Variants in XRCC5 observed in about 807,000 individuals in gnomAD.
XRCC5 encodes the protein DNA repair protein Ku80.
In XRCC5, 12 loss-of-function variants were observed where a neutral mutation model predicts 95.7. The ratio of observed to expected loss-of-function variants is 0.13; its 90% CI spans 0.08 to 0.20. The LOEUF is 0.20. XRCC5 is among the 10% of genes least tolerant of loss of function. The probability of loss-of-function intolerance (pLI) is 1.00; values close to 1 mark genes in which losing one functional copy is unlikely to be tolerated. For synonymous variants in XRCC5, 281 were observed against 290.3 expected, an observed-to-expected ratio of 0.97 and a Z score of 0.33; for missense variants, 595 against 873.9, an observed-to-expected ratio of 0.68 and a Z score of 4.02.
At chr2:216,170,184 T>G (rs1293052805) in intron 16 of XRCC5, among the ~76,000 whole-genome samples, 1 of 152,088 alleles carries the variant, frequency 6.6e-6, no homozygotes. Context: ...ATTTCTAGTT[T>G]ACATTTCTCA....
chr2:216,146,960 A>T (rs1688648559), intron 13 of XRCC5, among the ~76,000 whole-genome samples: 1 of 152,204 alleles, frequency 6.6e-6, no homozygotes, highest in African/African-American at 2.4e-5. Context: ...AGAAGAGAAG[A>T]GCCCTACTTG....
chr2:216,160,542 C>A (rs2106026869), intron 15 of XRCC5, among the ~76,000 whole-genome samples: 1 of 152,154 alleles, frequency 6.6e-6, no homozygotes, highest in Admixed American at 6.5e-5. Context: ...TATAACTTTC[C>A]TATTTTCTAA....
At chr2:216,189,236 G>A (rs941329593) in intron 16 of XRCC5, among the ~76,000 whole-genome samples, 78 of 152,242 alleles carry the variant, frequency 5.1e-4, no homozygotes, top group African/African-American at 1.9e-3. Flanking sequence ...CTCACAGGAG[G>A]CTGTGATTTG....
chr2:216,180,812 C>CTTT (rs112178335), intron 16 of XRCC5, among the ~76,000 whole-genome samples: 1 of 140,718 alleles, frequency 7.1e-6, no homozygotes, highest in Non-Finnish European at 1.6e-5. Context: ...CCTTGAGTAT[C>CTTT]TTTTTTTTTT....
intron 13 of XRCC5, among the ~76,000 whole-genome samples, chr2:216,145,230 C>T (rs1688603666): frequency 6.6e-6 from 1 of 152,004 alleles, no homozygotes; most frequent in African/African-American, 2.4e-5. Context: ...TCCAGGAAGG[C>T]CACTTTTTTC....
intron 16 of XRCC5, among the ~76,000 whole-genome samples, chr2:216,163,049 G>A (rs1356040492): frequency 6.6e-6 from 1 of 152,110 alleles, no homozygotes; most frequent in Admixed American, 6.6e-5. Flanking sequence ...GCCTGTCTGC[G>A]AGCTGACTTC....
Position 216,117,752 on chromosome 2 carries a change from A to T in XRCC5, c.326A>T (p.Asp109Val). ...QPGSQQADFL[D>V]ALIVSMDVIQ... ...CTATCCTTAACTAGCTGAGTCCTGG[A>T]TGCACTAATCGTGAGCATGGATGTG... The change falls in exon 4 of 21, where the codon GAT becomes GTT. Residue 109 changes from aspartate (D) to valine (V), a missense_variant. Around this residue, in one of 2 missense-constraint regions of XRCC5, gnomAD observed 286 missense variants for 491.1 expected, o/e 0.58. Coordinates refer to ENST00000392132, the MANE Select transcript of XRCC5 (RefSeq NM_021141.4). 2 of 1,614,158 alleles carry T rather than the reference A, an allele frequency of 1.2e-6. No homozygotes were observed. The highest frequency in any genetic ancestry group is 1.7e-6 in the Non-Finnish European group (2 of 1,179,996).
intron 19 of XRCC5, among the ~76,000 whole-genome samples, chr2:216,198,915 G>A (rs1241830824): frequency 2.6e-5 from 4 of 152,048 alleles, no homozygotes; most frequent in Non-Finnish European, 4.4e-5. Flanking sequence ...AAGGGAGAGT[G>A]TACATGTAAA....
At chr2:216,149,114 A>G (rs41296418) in intron 14 of XRCC5, among the ~76,000 whole-genome samples, 1,523 of 152,208 alleles carry the variant, frequency 0.01, 20 homozygotes, top group African/African-American at 0.035. Context: ...TCTCTCCACA[A>G]CTATCTTTAT....
At position 216,190,366 on chromosome 2, in the gene XRCC5, A is replaced by G. The variant is rs199576383; in HGVS notation, c.1944+32A>G. On this transcript the variant is annotated intron_variant, in intron 17 of 20. Transcript: ENST00000392132. The stretch of plus-strand genomic sequence containing the variant: ...CTATCCTAGCATCTCTTTTCTTCCT[A>G]AACAGTTGGCGACTATCACAGGGAA... 196 of 1,589,042 alleles carry G rather than the reference A, an allele frequency of 1.2e-4. No homozygotes were observed. In the East Asian group the frequency reaches 3.9e-3, roughly 32 times the overall value.
At chr2:216,152,615 TC>T (rs1688765328) in intron 14 of XRCC5, among the ~76,000 whole-genome samples, 1 of 151,868 alleles carries the variant, frequency 6.6e-6, no homozygotes, top group Admixed American at 6.6e-5. Context: ...TAAAGTGAAT[TC>T]CTTTACCTGT....
At chr2:216,186,729 A>G (rs187348237) in intron 16 of XRCC5, among the ~76,000 whole-genome samples, 8 of 152,320 alleles carry the variant, frequency 5.3e-5, no homozygotes, top group Non-Finnish European at 1.0e-4. Context: ...GTGAATTATA[A>G]TTGGGGCTGT....
At chr2:216,133,350 TG>T (rs1697023446) in intron 10 of XRCC5, among the ~76,000 whole-genome samples, 1 of 152,248 alleles carries the variant, frequency 6.6e-6, no homozygotes, top group Admixed American at 6.5e-5. Flanking sequence ...TATTTTGTTT[TG>T]TTTTTTTAAG....
In XRCC5 at chr2:216,127,425, A is replaced by G. The variant is rs995997620; in HGVS notation, c.799-111A>G. ...CATGAGCAAACAAAATAATGGAGCT[A>G]GAGTAATTGTTCTGGATTTTTGTCT... On this transcript the variant is annotated intron_variant, in intron 7 of 20. Coordinates refer to ENST00000392132, the MANE Select transcript of XRCC5 (RefSeq NM_021141.4). 128 of 1,243,844 alleles carry G rather than the reference A, an allele frequency of 1.0e-4. 1 individual carries two copies. Among genetic ancestry groups the G allele is most frequent in the Non-Finnish European group, 1.2e-4 (107 of 923,098 alleles). 77.1% of individuals were successfully genotyped at this position (1,243,844 alleles called of 1,614,324 possible). A position where few individuals can be genotyped will look rare whatever the true frequency, so the allele number is the denominator to read the frequency against.
At chr2:216,154,804 G>A (rs554770826) in intron 14 of XRCC5, among the ~76,000 whole-genome samples, 16 of 152,118 alleles carry the variant, frequency 1.1e-4, no homozygotes, top group Middle Eastern at 3.4e-3. Flanking sequence ...ATTAAAAAAC[G>A]CTTGCTCTAA....
intron 19 of XRCC5, among the ~76,000 whole-genome samples, chr2:216,196,433 TCTC>T (rs1689722387): frequency 1.3e-5 from 2 of 152,184 alleles, no homozygotes; most frequent in Non-Finnish European, 2.9e-5. Context: ...TTTGATAATA[TCTC>T]CTCATTGAAC....
At chr2:216,115,205 A>T (rs41297760) in intron 2 of XRCC5, among the ~76,000 whole-genome samples, 5,931 of 152,214 alleles carry the variant, frequency 0.039, 109 homozygotes, top group Non-Finnish European at 0.049. Flanking sequence ...AAGAACCGAG[A>T]TTACTGCGGA....
chr2:216,157,595 A>G (rs193069854), intron 14 of XRCC5, among the ~76,000 whole-genome samples: 1 of 152,166 alleles, frequency 6.6e-6, no homozygotes, highest in Non-Finnish European at 1.5e-5. Context: ...TTAATTGTCT[A>G]TATGTATACT....
At chr2:216,193,762 G>C (rs1187277204) in intron 18 of XRCC5, among the ~76,000 whole-genome samples, 1 of 152,204 alleles carries the variant, frequency 6.6e-6, no homozygotes, top group African/African-American at 2.4e-5. Flanking sequence ...TTTTCTGATA[G>C]CTTATATGCC....
Sources: gnomAD v4.1 joint callset for allele counts (sites outside exome capture counted in the v4.1 genomes callset) on GRCh38, gnomAD v4.1.1 for gene constraint, gnomAD v4.1.1 regional missense constraint, MANE v1.5 for transcripts, NCBI Gene and HGNC (gene_info 2026-07-23, HGNC 2026-07-21) for gene names.